ROBO1: variants seen among roughly 807,000 people sequenced by gnomAD.
The protein encoded by ROBO1 is roundabout homolog 1.
In ROBO1, 149 loss-of-function variants were observed where a neutral mutation model predicts 195.9. The ratio of observed to expected loss-of-function variants is 0.76; its 90% CI spans 0.67 to 0.87. The LOEUF (loss-of-function observed/expected upper bound fraction) is 0.87, where lower values mean the gene tolerates loss of function less well. ROBO1 is among the 40% of genes least tolerant of loss of function. ROBO1 has a pLI of 0.00. For synonymous variants in ROBO1, 816 were observed against 733.2 expected (o/e 1.11, Z -1.82); for missense variants, 1,933 against 2,068.3 (o/e 0.93, Z 1.27).
At position 79,765,574 on chromosome 3, in the gene ROBO1, G is replaced by T. The variant is rs140875196; in HGVS notation, c.-51+2178C>A. Among the ~76,000 whole-genome samples, 407 of 152,284 alleles carry T rather than the reference G, an allele frequency of 2.7e-3. 2 individuals are homozygous for T. Among genetic ancestry groups the T allele is most frequent in the African/African-American group, 9.4e-3 (390 of 41,558 alleles). On this transcript the variant is annotated intron_variant, in intron 1 of 30. Transcript: ENST00000464233. Reference sequence around the variant, plus strand: ...TCAGACTGAGGCTTTCAAAATAATAGCTGCTAGGAGAATACAAGTTTGGGC... The same window carrying T: ...TCAGACTGAGGCTTTCAAAATAATATCTGCTAGGAGAATACAAGTTTGGGC...
intron 4 of ROBO1, among the ~76,000 whole-genome samples, chr3:78,842,825 CA>C (rs1234092281): frequency 2.0e-5 from 3 of 151,736 alleles, no homozygotes; most frequent in Non-Finnish European, 4.4e-5. Flanking sequence ...ATTACAGGTG[CA>C]TATACTTTCT....
intron 14 of ROBO1, among the ~76,000 whole-genome samples, chr3:78,665,029 T>C (rs540412206): frequency 6.6e-6 from 1 of 152,280 alleles, no homozygotes; most frequent in Non-Finnish European, 1.5e-5. Flanking sequence ...GGAAAAGATG[T>C]CATGTCTGCT....
intron 2 of ROBO1, among the ~76,000 whole-genome samples, chr3:79,265,061 G>C (rs2083012978): frequency 6.6e-6 from 1 of 151,808 alleles, no homozygotes; most frequent in Non-Finnish European, 1.5e-5. Context: ...TTAACCACTA[G>C]GGCTGGGAAA....
At chr3:79,429,635 G>A (rs2038595031) in intron 2 of ROBO1, among the ~76,000 whole-genome samples, 1 of 152,084 alleles carries the variant, frequency 6.6e-6, no homozygotes, top group Admixed American at 6.6e-5. Context: ...GAAACACCCT[G>A]TTGGCTCTAA....
chr3:79,043,093 T>C (rs542850111), intron 3 of ROBO1, among the ~76,000 whole-genome samples: 1 of 152,226 alleles, frequency 6.6e-6, no homozygotes, highest in South Asian at 2.1e-4. Context: ...ATTTAACATT[T>C]TATAACAGAT....
intron 1 of ROBO1, among the ~76,000 whole-genome samples, chr3:79,674,905 A>G (rs1946741173): frequency 6.6e-6 from 1 of 151,132 alleles, no homozygotes. Flanking sequence ...AACCAAAGTA[A>G]TTTTTAGTTA....
chr3:79,112,866 A>T (rs1315412329), intron 3 of ROBO1, among the ~76,000 whole-genome samples: 1 of 152,158 alleles, frequency 6.6e-6, no homozygotes, highest in Non-Finnish European at 1.5e-5. Context: ...ATACATATGT[A>T]ACTAACCTGC....
intron 3 of ROBO1, among the ~76,000 whole-genome samples, chr3:79,111,790 G>C (rs1435902516): frequency 6.6e-6 from 1 of 152,174 alleles, no homozygotes; most frequent in Non-Finnish European, 1.5e-5. Context: ...GCTAGTTCAA[G>C]CAGCTGGAAA....
chr3:79,670,445 T>C (rs1037103452), intron 1 of ROBO1, among the ~76,000 whole-genome samples: 1 of 151,832 alleles, frequency 6.6e-6, no homozygotes, highest in Non-Finnish European at 1.5e-5. Flanking sequence ...TTTAAACAAG[T>C]ATAACAGTTA....
At chr3:79,188,938 T>C (rs1477399126) in intron 2 of ROBO1, among the ~76,000 whole-genome samples, 1 of 151,780 alleles carries the variant, frequency 6.6e-6, no homozygotes, top group Non-Finnish European at 1.5e-5. Flanking sequence ...ACTGCCTTTA[T>C]AAAAGAGGAC....
In ROBO1 at chr3:78,597,875, T is replaced by G. The variant is rs896849178; in HGVS notation, c.*1038A>C. 1 of 152,152 alleles carries G rather than the reference T, an allele frequency of 6.6e-6. No homozygotes were observed. The highest frequency in any genetic ancestry group is 6.6e-5 in the Admixed American group (1 of 15,230). The allele number at this position is 152,152 out of a possible 1,614,324, so 9.4% of individuals were successfully genotyped here. On this transcript the variant is annotated 3_prime_UTR_variant, in exon 31 of 31. Transcript: ENST00000464233. ...GGTTAAAAACGCTTCTCAACATTTT[T>G]TTTTTCAATAAGACAAAAAAGGTTA...
intron 2 of ROBO1, among the ~76,000 whole-genome samples, chr3:79,386,184 A>G (rs2036736987): frequency 6.6e-6 from 1 of 152,252 alleles, no homozygotes; most frequent in African/African-American, 2.4e-5. Context: ...AGAATATGTG[A>G]TTTAAACTAA....
At chr3:79,490,731 T>G (rs891703112) in intron 2 of ROBO1, among the ~76,000 whole-genome samples, 6 of 152,158 alleles carry the variant, frequency 3.9e-5, no homozygotes, top group Non-Finnish European at 8.8e-5. Flanking sequence ...CTGAAGGAAA[T>G]GCGGTCAAGG....
chr3:79,177,674 T>C (rs2081280388), intron 2 of ROBO1, among the ~76,000 whole-genome samples: 1 of 152,220 alleles, frequency 6.6e-6, no homozygotes, highest in Non-Finnish European at 1.5e-5. Flanking sequence ...TTCTTTCCCA[T>C]AAATTGAACA....
intron 1 of ROBO1, among the ~76,000 whole-genome samples, chr3:79,718,719 G>T (rs564510552): frequency 2.0e-5 from 3 of 151,974 alleles, no homozygotes; most frequent in Non-Finnish European, 2.9e-5. Context: ...GTTAAAAAAG[G>T]TTAGAAGTAA....
intron 1 of ROBO1, among the ~76,000 whole-genome samples, chr3:79,612,762 G>A (rs1416109058): frequency 1.1e-5 from 1 of 90,670 alleles, no homozygotes; most frequent in East Asian, 2.3e-4. Context: ...GTTTTGATTT[G>A]CATTTCTCTG....
intron 10 of ROBO1, among the ~76,000 whole-genome samples, chr3:78,683,303 A>C (rs2080974731): frequency 6.6e-6 from 1 of 152,148 alleles, no homozygotes; most frequent in African/African-American, 2.4e-5. Context: ...GAATTGACTC[A>C]GATTAAGATG....
At chr3:78,768,818 C>G (rs1345477323) in intron 4 of ROBO1, among the ~76,000 whole-genome samples, 1 of 116,940 alleles carries the variant, frequency 8.6e-6, no homozygotes, top group Non-Finnish European at 1.7e-5. Context: ...CCTCCCCCCA[C>G]CCCACCACAG....
chr3:79,624,028 T>C (rs796362221), intron 1 of ROBO1, among the ~76,000 whole-genome samples: 2 of 152,088 alleles, frequency 1.3e-5, no homozygotes, highest in Admixed American at 1.3e-4. Flanking sequence ...CCAGAAGAAA[T>C]TGGGGGCCAA....
Sources: gnomAD v4.1 joint callset for allele counts (sites outside exome capture counted in the v4.1 genomes callset) on GRCh38, gnomAD v4.1.1 for gene constraint, MANE v1.5 for transcripts, NCBI Gene and HGNC (gene_info 2026-07-23, HGNC 2026-07-21) for gene names.